Variants in SPAG6 observed in about 807,000 individuals in gnomAD.
SPAG6 encodes the protein sperm associated antigen 6.
SPAG6 carries 49 observed loss-of-function variants against 58.5 expected under a neutral mutation model. That is an observed-to-expected ratio of 0.84 (90% CI 0.67 to 1.06). The LOEUF is 1.06. Among genes scored for constraint, SPAG6 ranks in the 50% least tolerant of loss-of-function variants. The pLI is 0.00. For missense variants in SPAG6, 560 were observed against 611.3 expected (o/e 0.92, Z 0.89); for synonymous variants, 233 against 225.6 (o/e 1.03, Z -0.29).
chr10:22,408,009 C>G (rs1456009176), intron 9 of SPAG6, among the ~76,000 whole-genome samples: 3 of 141,310 alleles, frequency 2.1e-5, no homozygotes, highest in Non-Finnish European at 3.0e-5. Context: ...AAGCACTTCT[C>G]TGTATTGGTT....
At position 22,362,578 on chromosome 10, in the gene SPAG6, C is replaced by CA. The variant is rs369964208; in HGVS notation, c.122-2268dup. On this transcript the variant is annotated intron_variant, in intron 2 of 10. Coordinates refer to ENST00000376624, the MANE Select transcript of SPAG6 (RefSeq NM_012443.4). Reference sequence around the variant, plus strand: ...CAACATAGTGAGACCCCCATCTCTACAAAAAAATGAAAAAAATTAGTCAGG... The same window carrying CA: ...CAACATAGTGAGACCCCCATCTCTACAAAAAAAATGAAAAAAATTAGTCAGG... Among the ~76,000 whole-genome samples, 129 of 151,404 alleles carry CA rather than the reference C, an allele frequency of 8.5e-4. No individual in the cohort carries two copies. In the Middle Eastern group the frequency reaches 0.01, roughly 12 times the overall value.
chr10:22,348,264 C>A (rs141746787), intron 2 of SPAG6, among the ~76,000 whole-genome samples: 7 of 152,288 alleles, frequency 4.6e-5, no homozygotes, highest in African/African-American at 1.7e-4. Context: ...ACTGGGATTG[C>A]GCCCGGCCAG....
intron 9 of SPAG6, among the ~76,000 whole-genome samples, chr10:22,410,193 C>T (rs1834694492): frequency 6.6e-6 from 1 of 152,162 alleles, no homozygotes; most frequent in Non-Finnish European, 1.5e-5. Context: ...AGTCCCCTTT[C>T]TATGCCTACT....
At chr10:22,355,444 A>C (rs997270087) in intron 2 of SPAG6, among the ~76,000 whole-genome samples, 2 of 152,186 alleles carry the variant, frequency 1.3e-5, no homozygotes, top group Non-Finnish European at 2.9e-5. Context: ...CTCACAAACA[A>C]CTGAATCAAC....
intron 2 of SPAG6, among the ~76,000 whole-genome samples, chr10:22,350,169 A>G (rs1008316420): frequency 1.2e-4 from 18 of 152,290 alleles, no homozygotes; most frequent in Admixed American, 1.0e-3. Context: ...AATGAACTCA[A>G]AACACTGACT....
At chr10:22,377,814 C>T (rs1361078168) in intron 4 of SPAG6, among the ~76,000 whole-genome samples, 1 of 152,136 alleles carries the variant, frequency 6.6e-6, no homozygotes, top group Non-Finnish European at 1.5e-5. Context: ...ATCAGGGTAC[C>T]TGTGGCCTTT....
chr10:22,389,414 C>A (rs1157549890), intron 7 of SPAG6, 102 bp downstream of exon 7: 2 of 1,233,392 alleles, frequency 1.6e-6, no homozygotes, highest in African/African-American at 1.5e-5. Flanking sequence ...CTGACTGGAG[C>A]AAAAAAATTA....
rs1481197444 is a variant in SPAG6 at position 22,391,713 on chromosome 10, T to C, written c.1006-16T>C. On this transcript the variant is annotated splice_polypyrimidine_tract_variant and intron_variant, in intron 7 of 10. Coordinates refer to ENST00000376624, the MANE Select transcript of SPAG6 (RefSeq NM_012443.4). ...CTCTAGATTCATAACACTTGCTCTT[T>C]TGATCCACGCTGCAGGGTGTACCCC... 9 of 1,611,130 alleles carry C rather than the reference T, an allele frequency of 5.6e-6. No homozygotes were observed. In the Admixed American group the frequency reaches 1.5e-4, roughly 27 times the overall value.
At chr10:22,353,285 GATGGATGTAATTAGGT>G (rs1836782436) in intron 2 of SPAG6, among the ~76,000 whole-genome samples, 1 of 152,220 alleles carries the variant, frequency 6.6e-6, no homozygotes, top group Non-Finnish European at 1.5e-5. Flanking sequence ...TCTGCAAACA[GATGGATGTAATTAGGT>G]ATTTACTGTA....
chr10:22,346,047 G>A (rs1588627619), intron 2 of SPAG6: 1 of 1,536,620 alleles, frequency 6.5e-7, no homozygotes, highest in East Asian at 2.5e-5. Flanking sequence ...TTGCACACAG[G>A]CAAGTGTCAG....
At chr10:22,407,547 C>G (rs1399689362) in intron 9 of SPAG6, among the ~76,000 whole-genome samples, 3 of 152,122 alleles carry the variant, frequency 2.0e-5, no homozygotes, top group African/African-American at 7.2e-5. Flanking sequence ...GTAACCTGAC[C>G]TTTCTCTCTG....
intron 2 of SPAG6, among the ~76,000 whole-genome samples, chr10:22,352,574 G>A (rs1322551083): frequency 2.0e-5 from 3 of 152,238 alleles, no homozygotes; most frequent in South Asian, 2.1e-4. Flanking sequence ...CTGGTGTGCA[G>A]TGGTGAGATC....
rs1837260068 is a variant in SPAG6, at chr10:22,368,547, C to T, written c.341C>T (p.Ser114Phe). Residue 114 changes from serine to phenylalanine, a missense_variant, in exon 4 of 11, where the codon TCT becomes TTT. Transcript: ENST00000376624. ...AFVLRAVGKH[S>F]PQLAQAIVDC... ...GTGTTACGAGCAGTTGGTAAACATT[C>T]TCCCCAGCTAGCTCAGGCAATAGTC... 1 of 1,613,794 alleles carries T rather than the reference C, an allele frequency of 6.2e-7. No individual in the cohort carries two copies. The highest frequency in any genetic ancestry group is 8.5e-7 in the Non-Finnish European group (1 of 1,179,952).
At chr10:22,392,594 AC>A (rs1281953441) in intron 8 of SPAG6, among the ~76,000 whole-genome samples, 2 of 152,128 alleles carry the variant, frequency 1.3e-5, no homozygotes, top group African/African-American at 4.8e-5. Flanking sequence ...TATTAGGAAA[AC>A]TTGTAAGTTT....
chr10:22,404,016 T>C (rs1409669039), intron 9 of SPAG6, among the ~76,000 whole-genome samples: 1 of 144,172 alleles, frequency 6.9e-6, no homozygotes, highest in Non-Finnish European at 1.5e-5. Flanking sequence ...TTTGAGTTCA[T>C]TGTAGATTCT....
At chr10:22,409,788 T>G (rs1834683449) in intron 9 of SPAG6, among the ~76,000 whole-genome samples, 1 of 152,188 alleles carries the variant, frequency 6.6e-6, no homozygotes, top group South Asian at 2.1e-4. Context: ...GTCAGTCTTT[T>G]TTTTTGTCTC....
chr10:22,375,865 T>C (rs376098010), intron 4 of SPAG6, among the ~76,000 whole-genome samples: 1 of 152,164 alleles, frequency 6.6e-6, no homozygotes, highest in East Asian at 1.9e-4. Flanking sequence ...GTGTGAGCCA[T>C]TGTGCCCGGC....
At chr10:22,387,295 G>A (rs554047470) in intron 5 of SPAG6, among the ~76,000 whole-genome samples, 24 of 152,190 alleles carry the variant, frequency 1.6e-4, no homozygotes, top group Admixed American at 1.6e-3. Context: ...TATGGAAATT[G>A]CAATATTTAT....
At chr10:22,389,383 C>G in intron 7 of SPAG6, 71 bp downstream of exon 7, 2 of 1,475,028 alleles carry the variant, frequency 1.4e-6, no homozygotes, top group Non-Finnish European at 1.9e-6. Context: ...TTAATGTTCT[C>G]CAACAGAATA....
Sources: allele counts gnomAD v4.1 joint callset (sites outside exome capture counted in the v4.1 genomes callset), GRCh38; gene constraint gnomAD v4.1.1; transcripts MANE v1.5; gene names NCBI Gene and HGNC (gene_info 2026-07-23, HGNC 2026-07-21).